NFAT5: variants seen among roughly 807,000 people sequenced by gnomAD.
NFAT5 encodes the protein nuclear factor of activated T-cells 5.
A neutral mutation model predicts 166.5 loss-of-function variants in NFAT5; 31 were observed. The observed-to-expected ratio is 0.19, with a 90% CI of 0.14 to 0.25. The LOEUF (loss-of-function observed/expected upper bound fraction) is 0.25. NFAT5 is among the 10% of genes least tolerant of loss of function. The probability of loss-of-function intolerance (pLI) is 1.00; values close to 1 mark genes in which losing one functional copy is unlikely to be tolerated. For missense variants in NFAT5, 1,449 were observed against 1,821.8 expected (o/e 0.80, Z 3.72); for synonymous variants, 612 against 639.7 (o/e 0.96, Z 0.65).
intron 4 of NFAT5, among the ~76,000 whole-genome samples, chr16:69,650,460 T>G (rs181255263): frequency 6.2e-4 from 94 of 152,250 alleles, no homozygotes; most frequent in Admixed American, 2.9e-3. Context: ...ATTTTAGAAA[T>G]TGCTTAATTA....
At chr16:69,663,564 TAAAAAAAAAAAA>T (rs60161117) in intron 7 of NFAT5, among the ~76,000 whole-genome samples, 3 of 92,000 alleles carry the variant, frequency 3.3e-5, no homozygotes, top group Middle Eastern at 6.3e-3. Flanking sequence ...CCCATCTCTT[TAAAAAAAAAAAA>T]AAAAAAAAAA....
intron 2 of NFAT5, among the ~76,000 whole-genome samples, chr16:69,611,890 A>C (rs2033719232): frequency 6.6e-6 from 1 of 152,230 alleles, no homozygotes; most frequent in African/African-American, 2.4e-5. Context: ...AGGTCCATAA[A>C]GACATATTTT....
chr16:69,655,150 A>T (rs2035826901), intron 5 of NFAT5, among the ~76,000 whole-genome samples: 1 of 152,098 alleles, frequency 6.6e-6, no homozygotes, highest in African/African-American at 2.4e-5. Flanking sequence ...TTTCCTTCTT[A>T]TTCATATAGC....
Position 69,678,350 on chromosome 16 carries a change from G to A in NFAT5, c.1690+1015G>A, listed in dbSNP as rs151083057. Among the ~76,000 whole-genome samples the A allele has an allele frequency of 1.0e-3, 159 of 151,800 alleles. 1 individual carries two copies. Among genetic ancestry groups the A allele is most frequent in the African/African-American group, 3.5e-3 (144 of 41,470 alleles). On this transcript the variant is annotated intron_variant, in intron 10 of 14. Coordinates refer to ENST00000349945, the MANE Select transcript of NFAT5 (RefSeq NM_138713.4). Reference sequence around the variant, plus strand: ...CTGCCTCAGCCTCCCGAGTAGCTGGGACTACGGGTGTACACCACCACGCCC... The same window carrying A: ...CTGCCTCAGCCTCCCGAGTAGCTGGAACTACGGGTGTACACCACCACGCCC...
At chr16:69,623,511 T>G (rs1205719461) in intron 2 of NFAT5, among the ~76,000 whole-genome samples, 1 of 150,918 alleles carries the variant, frequency 6.6e-6, no homozygotes, top group Admixed American at 6.6e-5. Flanking sequence ...TTATTATTAT[T>G]GTTATTTTTT....
intron 9 of NFAT5, among the ~76,000 whole-genome samples, chr16:69,671,562 G>A (rs1246482640): frequency 1.3e-5 from 2 of 152,134 alleles, no homozygotes; most frequent in Non-Finnish European, 2.9e-5. Flanking sequence ...GAAGAGACGG[G>A]GTTTCACCAT....
chr16:69,591,373 A>G (rs1474994002), intron 2 of NFAT5, among the ~76,000 whole-genome samples: 1 of 147,382 alleles, frequency 6.8e-6, no homozygotes, highest in Non-Finnish European at 1.5e-5. Context: ...CCTGGCCACC[A>G]TGGAAAAATT....
intron 11 of NFAT5, among the ~76,000 whole-genome samples, chr16:69,688,231 G>A (rs2037407094): frequency 8.0e-6 from 1 of 125,444 alleles, no homozygotes; most frequent in African/African-American, 3.1e-5. Flanking sequence ...AAAAAACCAG[G>A]AGTTTGAGGC....
chr16:69,668,513 G>A (rs2036494974), intron 7 of NFAT5, among the ~76,000 whole-genome samples: 1 of 152,064 alleles, frequency 6.6e-6, no homozygotes, highest in African/African-American at 2.4e-5. Context: ...TGTGTTTCAT[G>A]TACAGCTATA....
chr16:69,676,367 T>C (rs1377432443), intron 9 of NFAT5, among the ~76,000 whole-genome samples: 2 of 152,186 alleles, frequency 1.3e-5, no homozygotes, highest in Non-Finnish European at 2.9e-5. Flanking sequence ...ACATCTTTGG[T>C]TTACTGAGAT....
At chr16:69,615,770 C>T (rs2033914623) in intron 2 of NFAT5, among the ~76,000 whole-genome samples, 1 of 152,036 alleles carries the variant, frequency 6.6e-6, no homozygotes, top group South Asian at 2.1e-4. Context: ...ACTATGTTTA[C>T]TTATTTGATC....
intron 2 of NFAT5, among the ~76,000 whole-genome samples, chr16:69,593,778 C>A (rs2032622975): frequency 1.3e-5 from 2 of 152,192 alleles, no homozygotes; most frequent in Admixed American, 6.5e-5. Flanking sequence ...AGAAAACACG[C>A]CATTTTGTGC....
In NFAT5 at chr16:69,702,492, A is replaced by G. The variant is rs1567625166; in HGVS notation, c.*6141A>G. On this transcript the variant is annotated 3_prime_UTR_variant, in exon 15 of 15. Transcript: ENST00000349945. Reference sequence around the variant, plus strand: ...GCCATGTATATAAGAACATTACAATATATCTTTTTCTACATATGTAGTATG... The same window carrying G: ...GCCATGTATATAAGAACATTACAATGTATCTTTTTCTACATATGTAGTATG... The G allele has an allele frequency of 6.6e-6, 1 of 152,228 alleles. No individual in the cohort carries two copies. Among genetic ancestry groups the G allele is most frequent in the African/African-American group, 2.4e-5 (1 of 41,456 alleles). 9.4% of individuals were successfully genotyped at this position (152,228 alleles called of 1,614,324 possible).
intron 6 of NFAT5, among the ~76,000 whole-genome samples, chr16:69,658,711 C>T (rs1211061546): frequency 1.3e-5 from 2 of 152,086 alleles, no homozygotes; most frequent in Non-Finnish European, 2.9e-5. Flanking sequence ...CCTGTAATCC[C>T]AGCTACTCAG....
chr16:69,685,170 TTA>T (rs202010793), intron 11 of NFAT5, 200 bp downstream of exon 11: 4,276 of 152,242 alleles, frequency 0.028, 85 homozygotes, highest in East Asian at 0.043. Context: ...GAATATGTTT[TTA>T]TATATATATA....
At chr16:69,630,540 T>C (rs1464519280) in intron 3 of NFAT5, among the ~76,000 whole-genome samples, 2 of 152,224 alleles carry the variant, frequency 1.3e-5, no homozygotes, top group African/African-American at 4.8e-5. Flanking sequence ...ATGTTCAATA[T>C]ATCAATGAAT....
At chr16:69,568,378 A>C (rs62052822) in intron 1 of NFAT5, 117 bp from the exon 2 acceptor site, 1 of 146,204 alleles carries the variant, frequency 6.8e-6, no homozygotes. Flanking sequence ...GTGTGTGTGT[A>C]TATATATATA....
At chr16:69,643,626 A>C (rs1056255357) in intron 3 of NFAT5, among the ~76,000 whole-genome samples, 1 of 151,336 alleles carries the variant, frequency 6.6e-6, no homozygotes, top group African/African-American at 2.4e-5. Flanking sequence ...AAGTACTTTG[A>C]ATTATATTTG....
intron 2 of NFAT5, among the ~76,000 whole-genome samples, chr16:69,595,358 G>C (rs978955507): frequency 3.3e-5 from 5 of 152,182 alleles, no homozygotes; most frequent in African/African-American, 1.2e-4. Flanking sequence ...TTAGGCTACT[G>C]TTGACCTTCT....
Sources: allele counts gnomAD v4.1 joint callset (sites outside exome capture counted in the v4.1 genomes callset), GRCh38; gene constraint gnomAD v4.1.1; transcripts MANE v1.5; gene names NCBI Gene and HGNC (gene_info 2026-07-23, HGNC 2026-07-21).